The following HECW1 variants were observed in gnomAD, a reference collection of about 807,000 sequenced individuals.
HECW1 encodes the protein HECT, C2 and WW domain containing E3 ubiquitin protein ligase 1, also known as E3 ubiquitin-protein ligase HECW1.
In HECW1, 61 loss-of-function variants were observed where a neutral mutation model predicts 182.3. The ratio of observed to expected loss-of-function variants is 0.33; its 90% CI spans 0.27 to 0.41. HECW1 has a LOEUF of 0.41. Among genes scored for constraint, HECW1 ranks in the 10% least tolerant of loss-of-function variants. The pLI is 1.00. For synonymous variants in HECW1, 859 were observed against 832.6 expected, an observed-to-expected ratio of 1.03 and a Z score of -0.55; for missense variants, 1,739 against 2,108.9, an observed-to-expected ratio of 0.82 and a Z score of 3.44.
chr7:43,412,769 C>G (rs1412536212), intron 8 of HECW1, among the ~76,000 whole-genome samples: 1 of 151,626 alleles, frequency 6.6e-6, no homozygotes, highest in African/African-American at 2.4e-5. Context: ...CATGTCCCTA[C>G]AAAGGACATG....
intron 3 of HECW1, among the ~76,000 whole-genome samples, chr7:43,297,854 T>C (rs1173522906): frequency 6.6e-6 from 1 of 152,224 alleles, no homozygotes; most frequent in African/African-American, 2.4e-5. Flanking sequence ...GGAGGATTAC[T>C]GGAGGCCAGG....
At chr7:43,473,299 C>T (rs2152902462) in intron 16 of HECW1, among the ~76,000 whole-genome samples, 1 of 152,280 alleles carries the variant, frequency 6.6e-6, no homozygotes, top group South Asian at 2.1e-4. Flanking sequence ...GCCAAATAAA[C>T]CTTTTTTCTT....
chr7:43,431,498 T>C (rs2076547550), intron 8 of HECW1, among the ~76,000 whole-genome samples: 1 of 152,144 alleles, frequency 6.6e-6, no homozygotes, highest in African/African-American at 2.4e-5. Flanking sequence ...CCTTGCCTGC[T>C]AGTCTCCCCA....
chr7:43,443,053 T>C (rs984092320), intron 10 of HECW1, among the ~76,000 whole-genome samples: 8 of 152,240 alleles, frequency 5.3e-5, no homozygotes, highest in African/African-American at 1.9e-4. Flanking sequence ...ACTATAATTG[T>C]ACAATGAATT....
intron 2 of HECW1, among the ~76,000 whole-genome samples, chr7:43,123,038 C>T: frequency 6.6e-6 from 1 of 152,174 alleles, no homozygotes; most frequent in East Asian, 1.9e-4. Context: ...AAAGACAAAG[C>T]AGAATTAAAT....
chr7:43,359,206 A>G (rs1171899823), intron 5 of HECW1, among the ~76,000 whole-genome samples: 1 of 152,224 alleles, frequency 6.6e-6, no homozygotes, highest in Non-Finnish European at 1.5e-5. Flanking sequence ...AGTTAGGTTT[A>G]TGTTTAGCTA....
At chr7:43,244,189 T>A (rs1584144369) in intron 3 of HECW1, among the ~76,000 whole-genome samples, 2 of 152,244 alleles carry the variant, frequency 1.3e-5, no homozygotes, top group South Asian at 4.1e-4. Context: ...AACGTACAGT[T>A]GTTACAAGTG....
At chr7:43,530,813 G>A (rs17803256) in intron 24 of HECW1, among the ~76,000 whole-genome samples, 6,956 of 151,994 alleles carry the variant, frequency 0.046, 207 homozygotes, top group Admixed American at 0.074. Context: ...CAAATTGTTC[G>A]GCATGATGCC....
intron 8 of HECW1, among the ~76,000 whole-genome samples, chr7:43,412,280 A>G (rs2075826502): frequency 6.6e-6 from 1 of 152,068 alleles, no homozygotes; most frequent in Non-Finnish European, 1.5e-5. Flanking sequence ...TATTATATAT[A>G]TCACATTGTA....
chr7:43,314,578 G>A (rs1208268902), intron 4 of HECW1, among the ~76,000 whole-genome samples: 1 of 152,176 alleles, frequency 6.6e-6, no homozygotes, highest in Non-Finnish European at 1.5e-5. Flanking sequence ...GAATGAATAA[G>A]ATCTGGTGTT....
chr7:43,261,972 G>A (rs1801224215), intron 3 of HECW1, among the ~76,000 whole-genome samples: 1 of 151,944 alleles, frequency 6.6e-6, no homozygotes, highest in Non-Finnish European at 1.5e-5. Context: ...TGTAATCCCA[G>A]CTCTGTGTGA....
Position 43,444,488 on chromosome 7 carries a change from G to A in HECW1, c.1316G>A (p.Gly439Glu). Reference protein sequence around the residue: ...GMVSVGPEGAGELLAQVQKDI... With the variant: ...GMVSVGPEGAEELLAQVQKDI... ...GTCTCTGTGGGACCTGAAGGGGCTG[G>A]GGAGCTCCTGGCCCAGGTGCAAAAG... The change falls in exon 11 of 30, where the codon GGG (glycine) becomes GAG (glutamate). Residue 439 changes from glycine (G) to glutamate (E), a missense_variant. Physicochemically the swap from Gly to Glu is moderately conservative, Grantham distance 98 (BLOSUM62 -2). This residue lies in a region of HECW1 where 971 missense variants were observed against 1,029.1 expected (regional missense o/e 0.94). Coordinates refer to ENST00000395891, the MANE Select transcript of HECW1 (RefSeq NM_015052.5). This position sits in a 1 kb window ranked among gnomAD's most constrained non-coding sequence, Gnocchi z 4.3. The A allele has an allele frequency of 6.2e-7, 1 of 1,612,712 alleles. No homozygotes were observed. The highest frequency in any genetic ancestry group is 8.5e-7 in the Non-Finnish European group (1 of 1,179,490).
chr7:43,482,838 G>C (rs551686784), intron 17 of HECW1, among the ~76,000 whole-genome samples: 55 of 152,294 alleles, frequency 3.6e-4, no homozygotes, highest in Middle Eastern at 3.4e-3. Context: ...CTGGGAGGTA[G>C]AGGCTGAAGC....
At chr7:43,183,398 C>T (rs904346662) in intron 2 of HECW1, among the ~76,000 whole-genome samples, 3 of 152,080 alleles carry the variant, frequency 2.0e-5, no homozygotes, top group Non-Finnish European at 4.4e-5. Context: ...CATCCTCCGC[C>T]CTCAATACAC....
At chr7:43,277,671 C>T (rs66881334) in intron 3 of HECW1, among the ~76,000 whole-genome samples, 7,414 of 152,228 alleles carry the variant, frequency 0.049, 221 homozygotes, top group African/African-American at 0.079. Context: ...CTCCCACTTC[C>T]TTCTCCATTT....
intron 5 of HECW1, among the ~76,000 whole-genome samples, chr7:43,326,121 C>T (rs928196171): frequency 1.3e-5 from 2 of 152,176 alleles, no homozygotes; most frequent in Non-Finnish European, 2.9e-5. Context: ...GCTGTTTCTG[C>T]GTAGGACCAG....
chr7:43,127,153 G>A (rs1786337839), intron 2 of HECW1, among the ~76,000 whole-genome samples: 1 of 152,142 alleles, frequency 6.6e-6, no homozygotes, highest in South Asian at 2.1e-4. Context: ...CAAACAGTTA[G>A]CCAAGTTGTT....
intron 3 of HECW1, among the ~76,000 whole-genome samples, chr7:43,308,945 T>C (rs1374718679): frequency 2.0e-5 from 3 of 152,154 alleles, no homozygotes. Context: ...TTATAAGCCA[T>C]CTTAAACCCT....
At position 43,466,450 on chromosome 7, in the gene HECW1, T is replaced by G; in HGVS notation, c.2795T>G (p.Leu932Arg). 1 of 1,613,586 alleles carries G rather than the reference T, an allele frequency of 6.2e-7. No homozygotes were observed. ...EAESSQSSLD[L>R]RREGSLSPVN... ...GCTTTGCTTCACTTTTTTTCAGATC[T>G]AAGGAGAGAAGGGTCACTTTCTCCA... The change falls in exon 15 of 30, where the codon CTA becomes CGA. Residue 932 changes from leucine (L) to arginine (R), a missense_variant. Around this residue, in one of 5 missense-constraint regions of HECW1, gnomAD observed 971 missense variants for 1,029.1 expected, o/e 0.94. Transcript: ENST00000395891.
Sources: allele counts gnomAD v4.1 joint callset (sites outside exome capture counted in the v4.1 genomes callset), GRCh38; gene constraint gnomAD v4.1.1; regional missense constraint gnomAD v4.1.1; non-coding constraint Gnocchi (gnomAD v3.1); transcripts MANE v1.5; gene names NCBI Gene and HGNC (gene_info 2026-07-23, HGNC 2026-07-21).